The following TSFM variants were observed in gnomAD, a reference collection of about 807,000 sequenced individuals.
The protein encoded by TSFM is Ts translation elongation factor, mitochondrial.
TSFM carries 29 observed loss-of-function variants against 33.4 expected under a neutral mutation model. That is an observed-to-expected ratio of 0.87 (90% CI 0.65 to 1.18). The LOEUF (loss-of-function observed/expected upper bound fraction) is 1.18, where lower values mean the gene tolerates loss of function less well. Ranked by LOEUF, TSFM falls within the 50% of genes most tolerant of loss-of-function variation. TSFM has a pLI of 0.00. For missense variants in TSFM, 394 were observed against 395.6 expected, an observed-to-expected ratio of 1.00 and a Z score of 0.04; for synonymous variants, 178 against 163.5, an observed-to-expected ratio of 1.09 and a Z score of -0.68.
intron 2 of TSFM, among the ~76,000 whole-genome samples, chr12:57,784,952 A>C (rs1362291529): frequency 9.4e-6 from 1 of 106,480 alleles, no homozygotes; most frequent in Admixed American, 1.3e-4. Flanking sequence ...TTTGAGACAG[A>C]GTCTTACTCT....
In TSFM at chr12:57,787,057, T is replaced by A. The variant is rs1955600215; in HGVS notation, c.378T>A (p.Asp126Glu). ...TVLVEVNCET[D>E]FVSRNLKFQL... ...TCCCACAGGTAAACTGTGAGACAGA[T>A]TTTGTTTCTAGAAATTTAAAATTTC... is the stretch of plus-strand genomic sequence containing the variant. The change falls in exon 4 of 6, where the codon GAT (aspartate) becomes GAA (glutamate). Residue 126 changes from aspartate (D) to glutamate (E), a missense_variant. Around this residue, in one of 3 missense-constraint regions of TSFM, gnomAD observed 208 missense variants for 180.4 expected, o/e 1.15. Coordinates refer to ENST00000652027, the MANE Select transcript of TSFM (RefSeq NM_005726.6). The A allele has an allele frequency of 6.2e-7, 1 of 1,613,438 alleles. No homozygotes were observed. Among genetic ancestry groups the A allele is most frequent in the Non-Finnish European group, 8.5e-7 (1 of 1,179,682 alleles).
At chr12:57,800,379 T>G (rs904095848), downstream of TSFM, 2 of 156,852 alleles carry the variant, frequency 1.3e-5, no homozygotes, top group African/African-American at 4.8e-5. Flanking sequence ...TTTGAACACC[T>G]GGTGCCATGC....
At chr12:57,798,678 A>C (rs902204964), downstream of TSFM, among the ~76,000 whole-genome samples, 1 of 150,648 alleles carries the variant, frequency 6.6e-6, no homozygotes, top group African/African-American at 2.4e-5. Flanking sequence ...GTACAGTGGC[A>C]CAATCTCGGC....
intron 2 of TSFM, among the ~76,000 whole-genome samples, chr12:57,785,764 A>G (rs1320017952): frequency 6.6e-6 from 1 of 152,230 alleles, no homozygotes; most frequent in Non-Finnish European, 1.5e-5. Context: ...TTACACTAGC[A>G]TTGCCACAAA....
In TSFM at chr12:57,797,313, T is replaced by C. The variant is rs146488830; in HGVS notation, c.*730T>C. 1.0e-6 allele frequency: 1 copy of C among 985,398 alleles called. No individual in the cohort carries two copies. Among genetic ancestry groups the C allele is most frequent in the East Asian group, 1.1e-4 (1 of 8,818 alleles). 61.0% of individuals were successfully genotyped at this position (985,398 alleles called of 1,614,324 possible). On this transcript the variant is annotated 3_prime_UTR_variant, in exon 6 of 6. Transcript: ENST00000652027. The stretch of plus-strand genomic sequence containing the variant: ...TCTTTACTTCCCCAGTACTGAAACA[T>C]TTCTTCAAGTATAACATAAAATTAC...
intron 5 of TSFM, among the ~76,000 whole-genome samples, chr12:57,795,146 CTG>C (rs1955716482): frequency 6.7e-6 from 1 of 150,244 alleles, no homozygotes; most frequent in African/African-American, 2.4e-5. Flanking sequence ...GTTGCCCAGG[CTG>C]GAGTGCAATG....
chr12:57,792,872 G>C, intron 4 of TSFM, 114 bp from the exon 5 acceptor site: 2 of 1,027,584 alleles, frequency 1.9e-6, no homozygotes, highest in Non-Finnish European at 2.9e-6. Context: ...GATTACAGGC[G>C]TGAGCCACCA....
At chr12:57,799,648 G>GT (rs201823242), downstream of TSFM, 393 of 1,065,206 alleles carry the variant, frequency 3.7e-4, 1 homozygote, top group African/African-American at 3.6e-3. Flanking sequence ...AAGAACCCTG[G>GT]TTTTTTTTGG....
chr12:57,793,163 G>A lies in TSFM; in HGVS notation c.571+90G>A, dbSNP rs544300918. ...TCCAAATCTAGGTCAAGAATCATGT[G>A]CCTACAAGGGTCAGATGATACGAAC... is the stretch of plus-strand genomic sequence containing the variant. On this transcript the variant is annotated intron_variant, in intron 5 of 5. Coordinates refer to ENST00000652027, the MANE Select transcript of TSFM (RefSeq NM_005726.6). 143 of 1,099,202 alleles carry A rather than the reference G, an allele frequency of 1.3e-4. No individual in the cohort carries two copies. The African/African-American group carries it at 2.0e-3, about 16-fold the overall frequency. The allele number at this position is 1,099,202 out of a possible 1,614,324, so 68.1% of individuals were successfully genotyped here. A position where few individuals can be genotyped will look rare whatever the true frequency, so the allele number is the denominator to read the frequency against.
At chr12:57,802,704 A>C (rs866050921), downstream of TSFM, 12 of 611,162 alleles carry the variant, frequency 2.0e-5, no homozygotes, top group Non-Finnish European at 2.6e-5. Flanking sequence ...CTGAGTCTCC[A>C]CTTTTGATAG....
intron 2 of TSFM, 60 bp from the exon 3 acceptor site, chr12:57,786,103 C>G: frequency 6.6e-7 from 1 of 1,511,070 alleles, no homozygotes; most frequent in Non-Finnish European, 8.9e-7. Flanking sequence ...TATCTTAGAA[C>G]TACATTTAGT....
At chr12:57,802,314 G>A (rs567856044), downstream of TSFM, 60 of 1,613,598 alleles carry the variant, frequency 3.7e-5, no homozygotes, top group African/African-American at 4.7e-4. Context: ...CTCCTTCTCC[G>A]TGGCATTGGC....
downstream of TSFM, chr12:57,797,817 A>T: frequency 8.0e-7 from 1 of 1,255,184 alleles, no homozygotes; most frequent in South Asian, 1.7e-5. Flanking sequence ...TGGATAAATT[A>T]TTTCCTGATA....
In TSFM at chr12:57,796,694, T is replaced by A. The variant is rs1475678358; in HGVS notation, c.*111T>A. The A allele has an allele frequency of 1.6e-6, 2 of 1,254,330 alleles. No individual in the cohort carries two copies. Among genetic ancestry groups the A allele is most frequent in the Non-Finnish European group, 2.0e-6 (2 of 994,592 alleles). The allele number at this position is 1,254,330 out of a possible 1,614,324, so 77.7% of individuals were successfully genotyped here. ...GACCGAGAATGCATGGGTAAAATTA[T>A]TAAATAGTTGTATAATAAAAATAAT... On this transcript the variant is annotated 3_prime_UTR_variant, in exon 6 of 6. Transcript: ENST00000652027.
chr12:57,783,651 T>G (rs1351599125), intron 2 of TSFM: 1 of 571,636 alleles, frequency 1.7e-6, no homozygotes, highest in Non-Finnish European at 3.3e-6. Flanking sequence ...CGGCGTGCAA[T>G]GGCACGATGT....
At chr12:57,787,499 A>C (rs1194364822) in intron 4 of TSFM, among the ~76,000 whole-genome samples, 1 of 152,234 alleles carries the variant, frequency 6.6e-6, no homozygotes, top group Admixed American at 6.5e-5. Context: ...GTTGGAGCTC[A>C]GTAAATCTTT....
At chr12:57,792,951 G>T (rs1242740958) in intron 4 of TSFM, 35 bp from the exon 5 acceptor site, 2 of 1,589,460 alleles carry the variant, frequency 1.3e-6, no homozygotes, top group South Asian at 2.2e-5. Flanking sequence ...GAATAGTACA[G>T]AATCAGTTCA....
rs1955749409 is a variant in TSFM at position 57,796,921 on chromosome 12, G to T, written c.*338G>T. ...ACCTTTTATGACATAGAACTCTTTTGTTCTGTTTTTGCTTTGCGACACTGT... is the reference window on the plus strand; with the variant it reads ...ACCTTTTATGACATAGAACTCTTTTTTTCTGTTTTTGCTTTGCGACACTGT... On this transcript the variant is annotated 3_prime_UTR_variant, in exon 6 of 6. Transcript: ENST00000652027. 1 of 1,001,376 alleles carries T rather than the reference G, an allele frequency of 1.0e-6. No individual in the cohort carries two copies. Among genetic ancestry groups the T allele is most frequent in the South Asian group, 4.7e-5 (1 of 21,358 alleles). The allele number at this position is 1,001,376 out of a possible 1,614,324, so 62.0% of individuals were successfully genotyped here.
intron 2 of TSFM, among the ~76,000 whole-genome samples, 174 bp from the exon 3 acceptor site, chr12:57,785,989 G>T (rs1955585887): frequency 6.6e-6 from 1 of 152,220 alleles, no homozygotes; most frequent in Non-Finnish European, 1.5e-5. Context: ...CAAGGCACCA[G>T]TTATAATAAT....
Sources: allele counts gnomAD v4.1 joint callset (sites outside exome capture counted in the v4.1 genomes callset), GRCh38; gene constraint gnomAD v4.1.1; regional missense constraint gnomAD v4.1.1; transcripts MANE v1.5; gene names NCBI Gene and HGNC (gene_info 2026-07-23, HGNC 2026-07-21).